SLC35F3: variants seen among roughly 807,000 people sequenced by gnomAD.
The protein encoded by SLC35F3 is putative thiamine transporter SLC35F3.
SLC35F3 carries 25 observed loss-of-function variants against 49.9 expected under a neutral mutation model. The observed-to-expected ratio is 0.50, with a 90% CI of 0.37 to 0.70. The LOEUF (loss-of-function observed/expected upper bound fraction) is 0.70, where lower values mean the gene tolerates loss of function less well. Among genes scored for constraint, SLC35F3 ranks in the 30% least tolerant of loss-of-function variants. The pLI is 0.00. For synonymous variants in SLC35F3, 275 were observed against 265.4 expected (o/e 1.04, Z -0.35); for missense variants, 525 against 639.8 (o/e 0.82, Z 1.94).
chr1:233,905,607 G>A lies in SLC35F3; in HGVS notation c.132G>A (p.Leu44=). The change falls in exon 2 of 8, where the codon TTG becomes TTA. Residue 44 remains leucine (L), a synonymous_variant. Coordinates refer to ENST00000366618, the MANE Select transcript of SLC35F3 (RefSeq NM_173508.4). ...ISPQLRQLKY[L]VVDEAIKEDL... Reference sequence around the variant, plus strand: ...CCCAGCTCCGGCAGCTCAAGTACTTGGTGGTGGACGAGGCGATTAAGGAGG... The same window carrying A: ...CCCAGCTCCGGCAGCTCAAGTACTTAGTGGTGGACGAGGCGATTAAGGAGG... 6.2e-7 allele frequency: 1 copy of A among 1,614,206 alleles called. No individual in the cohort carries two copies. The highest frequency in any genetic ancestry group is 1.1e-5 in the South Asian group (1 of 91,092).
At position 234,320,603 on chromosome 1, in the gene SLC35F3, G is replaced by T. The variant is rs1424460674; in HGVS notation, c.1237+416G>T. 3.3e-5 allele frequency among the ~76,000 whole-genome samples: 5 copies of T among 152,144 alleles called. No homozygotes were observed. The highest frequency in any genetic ancestry group is 9.7e-5 in the African/African-American group (4 of 41,420). The stretch of plus-strand genomic sequence containing the variant: ...GTAGCAGAAAAAAAATGTCACTTTT[G>T]CAGGTAACTTTCTGGGGGAGAAAAT... On this transcript the variant is annotated intron_variant, in intron 7 of 7. Coordinates refer to ENST00000366618, the MANE Select transcript of SLC35F3 (RefSeq NM_173508.4). The surrounding 1 kb of genome is among the most constrained non-coding windows in gnomAD (Gnocchi z 4.8).
At chr1:233,992,096 A>G (rs1215737526) in intron 2 of SLC35F3, among the ~76,000 whole-genome samples, 4 of 152,170 alleles carry the variant, frequency 2.6e-5, no homozygotes, top group Admixed American at 6.5e-5. Flanking sequence ...ATGGTGAGCA[A>G]CCTTCCAATC....
chr1:234,062,119 C>T (rs1038448052), intron 2 of SLC35F3, among the ~76,000 whole-genome samples: 5 of 152,176 alleles, frequency 3.3e-5, no homozygotes, highest in African/African-American at 9.7e-5. Context: ...GTACTTCTCC[C>T]CATCCCTAGG....
chr1:234,188,520 AT>A (rs1455960126), intron 2 of SLC35F3, among the ~76,000 whole-genome samples: 1 of 152,014 alleles, frequency 6.6e-6, no homozygotes, highest in East Asian at 1.9e-4. Context: ...CCACACCCCC[AT>A]TCCCCACAGC....
intron 2 of SLC35F3, among the ~76,000 whole-genome samples, chr1:234,176,094 C>T (rs995403009): frequency 2.6e-5 from 4 of 152,194 alleles, no homozygotes; most frequent in African/African-American, 9.6e-5. Flanking sequence ...GAAGGCAGAG[C>T]ATGGGACATC....
intron 2 of SLC35F3, among the ~76,000 whole-genome samples, chr1:234,154,242 C>A (rs976877653): frequency 1.3e-5 from 2 of 151,974 alleles, no homozygotes; most frequent in East Asian, 1.9e-4. Flanking sequence ...TAGAGTGAGA[C>A]CCTGTCTCAA....
intron 2 of SLC35F3, among the ~76,000 whole-genome samples, chr1:234,220,278 T>C (rs143341722): frequency 6.6e-6 from 1 of 152,164 alleles, no homozygotes; most frequent in East Asian, 1.9e-4. Flanking sequence ...GGATCCAAGA[T>C]GCTTTCATTT....
intron 2 of SLC35F3, among the ~76,000 whole-genome samples, chr1:234,045,547 C>T (rs999104999): frequency 6.6e-6 from 1 of 152,074 alleles, no homozygotes; most frequent in Non-Finnish European, 1.5e-5. Flanking sequence ...GTGCAAGAGC[C>T]AGCATTCTCA....
rs577893000 is a variant in SLC35F3, at chr1:234,287,322, A to G, written c.609-21779A>G. Among the ~76,000 whole-genome samples the G allele has an allele frequency of 1.6e-4, 22 of 134,404 alleles. No homozygotes were observed. The South Asian group carries it at 4.2e-3, about 26-fold the overall frequency. 88.2% of individuals were successfully genotyped at this position (134,404 alleles called of 152,430 possible). On this transcript the variant is annotated intron_variant, in intron 3 of 7. Transcript: ENST00000366618. ...ATTCCTTAAGATATGCCTTATACCC[A>G]TATGAGACATAAACATTCATAGAGG...
chr1:234,280,594 C>A (rs978283425), intron 3 of SLC35F3, among the ~76,000 whole-genome samples: 3 of 152,112 alleles, frequency 2.0e-5, no homozygotes, highest in African/African-American at 7.2e-5. Context: ...AGACAGGAAG[C>A]ATGGTGACGA....
intron 2 of SLC35F3, among the ~76,000 whole-genome samples, chr1:233,922,420 T>G (rs558816486): frequency 6.6e-4 from 101 of 152,128 alleles, no homozygotes; most frequent in African/African-American, 2.1e-3. Flanking sequence ...TCATGTGTCT[T>G]TTGGCTGCAT....
At chr1:234,292,550 G>T (rs1039077418) in intron 3 of SLC35F3, among the ~76,000 whole-genome samples, 1 of 152,214 alleles carries the variant, frequency 6.6e-6, no homozygotes, top group South Asian at 2.1e-4. Context: ...CAATTGTGGT[G>T]CCTGTTGGGG....
At position 234,202,806 on chromosome 1, in the gene SLC35F3, G is replaced by A. The variant is rs537917175; in HGVS notation, c.284-28611G>A. 4.6e-5 allele frequency among the ~76,000 whole-genome samples: 7 copies of A among 152,344 alleles called. No homozygotes were observed. In the East Asian group the frequency reaches 7.7e-4, roughly 17 times the overall value. On this transcript the variant is annotated intron_variant, in intron 2 of 7. Coordinates refer to ENST00000366618, the MANE Select transcript of SLC35F3 (RefSeq NM_173508.4). ...TCAAAGGAAAAGTAAAAAACCTTATGTCAGCTGAAATGAAGAGATTGGGGA... is the reference window on the plus strand; with the variant it reads ...TCAAAGGAAAAGTAAAAAACCTTATATCAGCTGAAATGAAGAGATTGGGGA...
At chr1:234,102,699 G>A (rs545834938) in intron 2 of SLC35F3, among the ~76,000 whole-genome samples, 22 of 152,268 alleles carry the variant, frequency 1.4e-4, no homozygotes, top group African/African-American at 4.6e-4. Flanking sequence ...AGCTCTCCAC[G>A]ACTCCCCTCT....
At chr1:234,290,650 G>A (rs541053310) in intron 3 of SLC35F3, among the ~76,000 whole-genome samples, 54 of 152,320 alleles carry the variant, frequency 3.5e-4, no homozygotes, top group African/African-American at 1.2e-3. Flanking sequence ...CCTGGAGGCC[G>A]CAGCCTCTGA....
chr1:234,236,924 A>AC (rs1667480049), intron 3 of SLC35F3, among the ~76,000 whole-genome samples: 1 of 16,258 alleles, frequency 6.2e-5, no homozygotes, highest in African/African-American at 2.2e-4. Flanking sequence ...TAAAAAAAAA[A>AC]TTATATATAT....
At chr1:233,967,539 A>G (rs1183011111) in intron 2 of SLC35F3, among the ~76,000 whole-genome samples, 1 of 152,224 alleles carries the variant, frequency 6.6e-6, no homozygotes, top group Admixed American at 6.5e-5. Flanking sequence ...GCCACCTTCT[A>G]TTTAACATGG....
chr1:234,236,098 C>T (rs1216755404), intron 3 of SLC35F3, among the ~76,000 whole-genome samples: 1 of 152,066 alleles, frequency 6.6e-6, no homozygotes, highest in African/African-American at 2.4e-5. Context: ...GGCCCAGATA[C>T]ATGTCCAGAT....
At chr1:233,988,040 A>G (rs183478211) in intron 2 of SLC35F3, among the ~76,000 whole-genome samples, 4 of 152,200 alleles carry the variant, frequency 2.6e-5, no homozygotes, top group African/African-American at 4.8e-5. Context: ...TCAGTTTTAT[A>G]TGCTAGAATA....
Sources: allele counts gnomAD v4.1 joint callset (sites outside exome capture counted in the v4.1 genomes callset), GRCh38; gene constraint gnomAD v4.1.1; non-coding constraint Gnocchi (gnomAD v3.1); transcripts MANE v1.5; gene names NCBI Gene and HGNC (gene_info 2026-07-23, HGNC 2026-07-21).